The following EFR3B variants were observed in gnomAD, a reference collection of about 807,000 sequenced individuals.
EFR3B encodes the protein protein EFR3 homolog B.
A neutral mutation model predicts 104.7 loss-of-function variants in EFR3B; 64 were observed. That is an observed-to-expected ratio of 0.61 (90% CI 0.50 to 0.75). The LOEUF (loss-of-function observed/expected upper bound fraction) is 0.75, where lower values mean the gene tolerates loss of function less well. EFR3B is among the 30% of genes least tolerant of loss of function. The pLI is 0.00. For synonymous variants in EFR3B, 385 were observed against 417.9 expected (o/e 0.92, Z 0.96); for missense variants, 750 against 1,078.5 (o/e 0.70, Z 4.27).
chr2:25,139,105 G>C lies in EFR3B; in HGVS notation c.1769G>C (p.Cys590Ser). Residue 590 changes from cysteine to serine, a missense_variant, in exon 16 of 23, where the codon TGT becomes TCT. By Grantham distance (112) the Cys-to-Ser change is moderately radical. Coordinates refer to ENST00000403714, the MANE Select transcript of EFR3B (RefSeq NM_014971.2). ...NEENLPVYNR[C>S]ALYALGAAYL... ...GAGAACTTGCCTGTCTACAACCGCT[G>C]TGCCCTCTATGCTCTGGGCGCAGCC... 6.4e-7 allele frequency: 1 copy of C among 1,551,712 alleles called. No individual in the cohort carries two copies. Among genetic ancestry groups the C allele is most frequent in the Non-Finnish European group, 8.7e-7 (1 of 1,146,988 alleles).
At chr2:25,107,154 G>A (rs564881200) in intron 4 of EFR3B, among the ~76,000 whole-genome samples, 1 of 152,110 alleles carries the variant, frequency 6.6e-6, no homozygotes, top group Non-Finnish European at 1.5e-5. Context: ...TAGAATCTGG[G>A]GGGTGGCAAG....
At chr2:25,102,095 T>G (rs893533900) in intron 3 of EFR3B, among the ~76,000 whole-genome samples, 3 of 152,174 alleles carry the variant, frequency 2.0e-5, no homozygotes, top group Non-Finnish European at 4.4e-5. Context: ...TTCTTGGGAT[T>G]TATGAGAAGC....
In EFR3B at chr2:25,131,908, G is replaced by T. The variant is rs1412723246; in HGVS notation, c.1144G>T (p.Val382Leu). The T allele has an allele frequency of 4.6e-6, 7 of 1,520,520 alleles. No homozygotes were observed. Among genetic ancestry groups the T allele is most frequent in the Non-Finnish European group, 6.2e-6 (7 of 1,132,770 alleles). The allele number at this position is 1,520,520 out of a possible 1,614,324, so 94.2% of individuals were successfully genotyped here. A position where few individuals can be genotyped will look rare whatever the true frequency, so the allele number is the denominator to read the frequency against. ...RMFQEAVIKT[V>L]GSFASTLPTY... ...GTTCCAGGAGGCCGTCATCAAGACC[G>T]TGGGTGCGGCGCGGGGCCGGGCCGG... Residue 382 changes from valine (V) to leucine (L), a missense_variant, in exon 10 of 23, where the codon GTG (valine) becomes TTG (leucine). Transcript: ENST00000403714. This position sits in a 1 kb window ranked among gnomAD's most constrained non-coding sequence, Gnocchi z 7.6.
chr2:25,115,326 A>G (rs980427409), intron 4 of EFR3B, among the ~76,000 whole-genome samples: 1 of 152,234 alleles, frequency 6.6e-6, no homozygotes, highest in Non-Finnish European at 1.5e-5. Flanking sequence ...ATTAAAATGT[A>G]AAGAGCTAAG....
intron 1 of EFR3B, among the ~76,000 whole-genome samples, chr2:25,043,328 G>A (rs1667624375): frequency 6.6e-6 from 1 of 152,220 alleles, no homozygotes; most frequent in South Asian, 2.1e-4. Flanking sequence ...AGGGGTCAGT[G>A]TTTGGAGAAG....
intron 1 of EFR3B, among the ~76,000 whole-genome samples, chr2:25,061,002 G>A (rs1288104781): frequency 2.0e-5 from 3 of 152,228 alleles, no homozygotes; most frequent in East Asian, 1.9e-4. Context: ...GAGGTGCTGC[G>A]AGAGGCCCAT....
At chr2:25,133,936 G>A (rs901031356) in intron 12 of EFR3B, among the ~76,000 whole-genome samples, 15 of 152,194 alleles carry the variant, frequency 9.9e-5, no homozygotes, top group Non-Finnish European at 1.9e-4. Flanking sequence ...ACACCATTCC[G>A]ATGACAGTCT....
chr2:25,109,003 C>CAA (rs943294878), intron 4 of EFR3B, among the ~76,000 whole-genome samples: 2 of 149,784 alleles, frequency 1.3e-5, no homozygotes, highest in Non-Finnish European at 3.0e-5. Flanking sequence ...AAGACTGTCT[C>CAA]AAAAAAAATA....
chr2:25,153,976 A>G (rs1288015110), intron 22 of EFR3B, among the ~76,000 whole-genome samples: 1 of 151,916 alleles, frequency 6.6e-6, no homozygotes, highest in Non-Finnish European at 1.5e-5. Context: ...CCTCAATGAA[A>G]CCTGGAAAGA....
intron 6 of EFR3B, among the ~76,000 whole-genome samples, chr2:25,128,679 C>T (rs927416589): frequency 6.6e-5 from 10 of 152,084 alleles, no homozygotes; most frequent in African/African-American, 2.2e-4. Flanking sequence ...CTTTTGTGGG[C>T]CGGGCGCGGT....
intron 3 of EFR3B, among the ~76,000 whole-genome samples, chr2:25,102,463 C>G (rs1669452457): frequency 6.6e-6 from 1 of 152,154 alleles, no homozygotes; most frequent in Non-Finnish European, 1.5e-5. Flanking sequence ...AACTTACAAT[C>G]ATAGCGAAAG....
At chr2:25,119,070 C>CT (rs1669945249) in intron 4 of EFR3B, among the ~76,000 whole-genome samples, 1 of 152,134 alleles carries the variant, frequency 6.6e-6, no homozygotes, top group Admixed American at 6.6e-5. Context: ...TTATTGGCCT[C>CT]TTTTTTTCAT....
chr2:25,127,303 G>A (rs74559821), intron 5 of EFR3B, among the ~76,000 whole-genome samples: 14,884 of 151,176 alleles, frequency 0.098, 1,691 homozygotes, highest in African/African-American at 0.28. Context: ...CATTCAACAT[G>A]TTTATGAAGA....
rs186619808 is a variant in EFR3B, at chr2:25,100,535, C to T, written c.213-3102C>T. On this transcript the variant is annotated intron_variant, in intron 3 of 22. Coordinates refer to ENST00000403714, the MANE Select transcript of EFR3B (RefSeq NM_014971.2). The stretch of plus-strand genomic sequence containing the variant: ...TGAGACGGAGTCTCACTCTTTTGCC[C>T]AGGCCGGAGTGCAGTGGCGCTATCT... Among the ~76,000 whole-genome samples, 14 of 152,222 alleles carry T rather than the reference C, an allele frequency of 9.2e-5. No homozygotes were observed. The East Asian group carries it at 2.7e-3, about 29-fold the overall frequency.
chr2:25,131,756 C>A lies in EFR3B; in HGVS notation c.992C>A (p.Thr331Lys). The change falls in exon 10 of 23, where the codon ACA (threonine) becomes AAA (lysine). Residue 331 changes from threonine to lysine, a missense_variant. Transcript: ENST00000403714. The surrounding 1 kb of genome is among the most constrained non-coding windows in gnomAD (Gnocchi z 7.6). ...VIAATGSVGP[T>K]VLEMFNTLLR... Reference sequence around the variant, plus strand: ...CCCGCCCCACCGCTCTCAGGGCCCACAGTACTGGAGATGTTCAACACGCTG... The same window carrying A: ...CCCGCCCCACCGCTCTCAGGGCCCAAAGTACTGGAGATGTTCAACACGCTG... 2 of 1,510,732 alleles carry A rather than the reference C, an allele frequency of 1.3e-6. No homozygotes were observed. The highest frequency in any genetic ancestry group is 2.2e-5 in the Admixed American group (1 of 45,808). 93.6% of individuals were successfully genotyped at this position (1,510,732 alleles called of 1,614,324 possible).
chr2:25,145,157 C>A, intron 19 of EFR3B, 106 bp downstream of exon 19: 1 of 1,013,540 alleles, frequency 9.9e-7, no homozygotes, highest in Non-Finnish European at 1.5e-6. Flanking sequence ...GCATGGAAAG[C>A]AAGTTTCTCG....
At chr2:25,068,830 C>T (rs543963719) in intron 1 of EFR3B, among the ~76,000 whole-genome samples, 7 of 151,916 alleles carry the variant, frequency 4.6e-5, no homozygotes, top group African/African-American at 9.7e-5. Context: ...GGGGTTTCAC[C>T]GTGTTAGCCA....
chr2:25,153,117 GC>G (rs1158859765), intron 21 of EFR3B, among the ~76,000 whole-genome samples: 3 of 152,202 alleles, frequency 2.0e-5, no homozygotes, highest in Non-Finnish European at 4.4e-5. Context: ...ACTTTGGGAG[GC>G]TGAGGCAGGC....
chr2:25,128,651 A>G (rs1670234155), intron 6 of EFR3B, among the ~76,000 whole-genome samples: 1 of 152,154 alleles, frequency 6.6e-6, no homozygotes, highest in East Asian at 1.9e-4. Flanking sequence ...AAGCAGGGCC[A>G]AGGAGGCTTT....
Sources: allele counts gnomAD v4.1 joint callset (sites outside exome capture counted in the v4.1 genomes callset), GRCh38; gene constraint gnomAD v4.1.1; non-coding constraint Gnocchi (gnomAD v3.1); transcripts MANE v1.5; gene names NCBI Gene and HGNC (gene_info 2026-07-23, HGNC 2026-07-21).